The following AP3B1 variants were observed in gnomAD, a reference collection of about 807,000 sequenced individuals.
AP3B1 encodes AP-3 complex subunit beta-1.
In AP3B1, 61 loss-of-function variants were observed where a neutral mutation model predicts 132.5. The ratio of observed to expected loss-of-function variants is 0.46; its 90% CI spans 0.37 to 0.57. The LOEUF is 0.57. Ranked by LOEUF, AP3B1 falls within the 20% of genes least tolerant of loss-of-function variation. AP3B1 has a pLI of 0.00. For missense variants in AP3B1, 1,120 were observed against 1,289.4 expected (o/e 0.87, Z 2.01); for synonymous variants, 388 against 438.3 (o/e 0.89, Z 1.43).
intron 14 of AP3B1, among the ~76,000 whole-genome samples, chr5:78,142,771 C>G (rs7378749): frequency 0.28 from 43,140 of 151,930 alleles, 6,451 homozygotes; most frequent in Admixed American, 0.39. Context: ...TGGTGAGACA[C>G]AAGAAATCCA....
At chr5:78,096,632 G>A (rs1397067746) in intron 21 of AP3B1, among the ~76,000 whole-genome samples, 15 of 151,402 alleles carry the variant, frequency 9.9e-5, no homozygotes, top group Admixed American at 1.3e-4. Flanking sequence ...CGCCCCATCT[G>A]GGATGTGAGG....
chr5:78,129,366 T>C (rs1752598543), intron 15 of AP3B1, 59 bp from the exon 16 acceptor site: 1 of 1,345,026 alleles, frequency 7.4e-7, no homozygotes, highest in African/African-American at 1.4e-5. Flanking sequence ...TCGATAACTC[T>C]GGATAAACAT....
chr5:78,254,491 C>T (rs982474429), intron 2 of AP3B1, among the ~76,000 whole-genome samples: 20 of 152,100 alleles, frequency 1.3e-4, no homozygotes, highest in Admixed American at 1.2e-3. Context: ...TAACATACAA[C>T]GGAGCTCCAA....
chr5:78,068,797 C>CA (rs139093954), intron 22 of AP3B1, among the ~76,000 whole-genome samples: 42 of 147,868 alleles, frequency 2.8e-4, no homozygotes, highest in South Asian at 6.5e-4. Context: ...GAGATAACAA[C>CA]AAAAAAAAAA....
At chr5:78,175,011 G>A (rs1308205669) in intron 11 of AP3B1, among the ~76,000 whole-genome samples, 1 of 152,262 alleles carries the variant, frequency 6.6e-6, no homozygotes, top group African/African-American at 2.4e-5. Context: ...CTCTGTGGGC[G>A]TTGGACCTGC....
At chr5:78,066,454 G>C (rs532020927) in intron 22 of AP3B1, among the ~76,000 whole-genome samples, 5 of 152,184 alleles carry the variant, frequency 3.3e-5, no homozygotes, top group African/African-American at 1.2e-4. Flanking sequence ...AGAATAACCA[G>C]TTTAGGCAGG....
intron 22 of AP3B1, among the ~76,000 whole-genome samples, chr5:78,080,081 T>A (rs923203072): frequency 6.6e-6 from 1 of 152,336 alleles, no homozygotes; most frequent in Non-Finnish European, 1.5e-5. Context: ...CGATCCTGGC[T>A]CTTGACAATC....
At chr5:78,146,559 A>C (rs1753405027) in intron 14 of AP3B1, among the ~76,000 whole-genome samples, 1 of 152,118 alleles carries the variant, frequency 6.6e-6, no homozygotes, top group South Asian at 2.1e-4. Flanking sequence ...TTAGAAGGGA[A>C]TTTTGTTTTA....
chr5:78,228,742 T>G (rs1266314076), intron 3 of AP3B1, among the ~76,000 whole-genome samples: 1 of 152,146 alleles, frequency 6.6e-6, no homozygotes, highest in Non-Finnish European at 1.5e-5. Context: ...CTATATGTTA[T>G]GGGAACTTGT....
At chr5:78,031,954 C>T (rs1316209555) in intron 24 of AP3B1, among the ~76,000 whole-genome samples, 2 of 152,096 alleles carry the variant, frequency 1.3e-5, no homozygotes, top group Non-Finnish European at 2.9e-5. Flanking sequence ...TGCATGCATG[C>T]CTGTGGGGGA....
At chr5:78,281,434 CAA>C (rs36002317) in intron 1 of AP3B1, among the ~76,000 whole-genome samples, 80 of 68,234 alleles carry the variant, frequency 1.2e-3, no homozygotes, top group African/African-American at 2.5e-3. Context: ...AACTCTGCCT[CAA>C]AAAAAAAAAA....
intron 2 of AP3B1, among the ~76,000 whole-genome samples, chr5:78,243,225 T>C (rs1747218742): frequency 6.6e-6 from 1 of 152,226 alleles, no homozygotes; most frequent in African/African-American, 2.4e-5. Flanking sequence ...CATTTTCTCA[T>C]CTTTGAAATA....
intron 22 of AP3B1, chr5:78,043,630 G>T: frequency 2.1e-6 from 1 of 484,968 alleles, no homozygotes. Flanking sequence ...CCCTGCCAAT[G>T]GGCTCTCCAT....
At chr5:78,165,577 A>C (rs1338224082) in intron 12 of AP3B1, 33 bp downstream of exon 12, 1 of 1,478,026 alleles carries the variant, frequency 6.8e-7, no homozygotes, top group African/African-American at 1.4e-5. Context: ...CATATGTTTT[A>C]GAAGTTTTTT....
intron 22 of AP3B1, among the ~76,000 whole-genome samples, chr5:78,053,375 G>A (rs2112128494): frequency 6.6e-6 from 1 of 152,058 alleles, no homozygotes; most frequent in African/African-American, 2.4e-5. Flanking sequence ...TAAATAGTAT[G>A]AAAATATAAG....
At chr5:78,208,398 A>C (rs1745599740) in intron 7 of AP3B1, among the ~76,000 whole-genome samples, 1 of 152,080 alleles carries the variant, frequency 6.6e-6, no homozygotes, top group Admixed American at 6.6e-5. Context: ...AGCTCTGCCC[A>C]CCCCCAGAAT....
intron 6 of AP3B1, among the ~76,000 whole-genome samples, chr5:78,221,384 C>T (rs1055422793): frequency 2.6e-5 from 4 of 151,906 alleles, no homozygotes; most frequent in African/African-American, 9.7e-5. Context: ...GGAAACAACA[C>T]GACACTTCAA....
In AP3B1 at chr5:78,294,376, A is replaced by G. The variant is rs1012016706; in HGVS notation, c.128+76T>C. 3.1e-6 allele frequency: 5 copies of G among 1,606,754 alleles called. No individual in the cohort carries two copies. In the Admixed American group the frequency reaches 5.0e-5, roughly 16 times the overall value. On this transcript the variant is annotated intron_variant, in intron 1 of 26. Coordinates refer to ENST00000255194, the MANE Select transcript of AP3B1 (RefSeq NM_003664.5). The stretch of plus-strand genomic sequence containing the variant: ...AGGGCGACCCCGCTCCTCTCCAGGA[A>G]GCCCACCCTGGCGCCCACTCCTCCG...
intron 6 of AP3B1, among the ~76,000 whole-genome samples, chr5:78,216,686 T>C (rs940760858): frequency 9.9e-5 from 15 of 152,172 alleles, no homozygotes; most frequent in African/African-American, 3.4e-4. Context: ...AATGAACTTA[T>C]GTTAAAAAGT....
Sources: gnomAD v4.1 joint callset for allele counts (sites outside exome capture counted in the v4.1 genomes callset) on GRCh38, gnomAD v4.1.1 for gene constraint, MANE v1.5 for transcripts, NCBI Gene and HGNC (gene_info 2026-07-23, HGNC 2026-07-21) for gene names.